Variants in CDK17 observed in about 807,000 individuals in gnomAD.
The protein encoded by CDK17 is cyclin-dependent kinase 17.
Under a neutral mutation model 77.6 loss-of-function variants are expected in CDK17, and 24 were observed. The ratio of observed to expected loss-of-function variants is 0.31; its 90% CI spans 0.22 to 0.44. The LOEUF (loss-of-function observed/expected upper bound fraction) is 0.44. Among genes scored for constraint, CDK17 ranks in the 20% least tolerant of loss-of-function variants. The pLI, the probability that CDK17 is intolerant of heterozygous loss-of-function variation, is 1.00. For synonymous variants in CDK17, 203 were observed against 210.4 expected (o/e 0.96, Z 0.30); for missense variants, 429 against 622.5 (o/e 0.69, Z 3.31).
chr12:96,322,875 T>C lies in CDK17; in HGVS notation c.283+1073A>G, dbSNP rs577076649. Among the ~76,000 whole-genome samples the C allele has an allele frequency of 8.5e-5, 13 of 152,294 alleles. No individual in the cohort carries two copies. In the South Asian group the frequency reaches 2.7e-3, roughly 32 times the overall value. On this transcript the variant is annotated intron_variant, in intron 3 of 16. Coordinates refer to ENST00000261211, the MANE Select transcript of CDK17 (RefSeq NM_002595.5). Reference sequence around the variant, plus strand: ...TCCTGAAACTTTAACAATCATCTCTTATGAACTAGTGTGAGCCAACTCCAG... The same window carrying C: ...TCCTGAAACTTTAACAATCATCTCTCATGAACTAGTGTGAGCCAACTCCAG...
rs750453479 is a variant in CDK17, at chr12:96,308,252, A to AAAAAAAAAG, written c.543+2799_543+2800insCTTTTTTTT. Among the ~76,000 whole-genome samples, 50 of 143,560 alleles carry AAAAAAAAAG rather than the reference A, an allele frequency of 3.5e-4. 2 individuals are homozygous for AAAAAAAAAG. Among genetic ancestry groups the AAAAAAAAAG allele is most frequent in the Admixed American group, 2.2e-3 (31 of 13,808 alleles). The allele number at this position is 143,560 out of a possible 152,430, so 94.2% of individuals were successfully genotyped here. A position where few individuals can be genotyped will look rare whatever the true frequency, so the allele number is the denominator to read the frequency against. On this transcript the variant is annotated intron_variant, in intron 5 of 16. Transcript: ENST00000261211. ...TCTAAAAAAAAAAAAAAAAAAAAAAAGTTTTTTAATTAGCTGGGTGTGATG... is the reference window on the plus strand; with the variant it reads ...TCTAAAAAAAAAAAAAAAAAAAAAAAAAAAAAAAGGTTTTTTAATTAGCTGGGTGTGATG...
At chr12:96,309,955 A>G (rs1952625312) in intron 5 of CDK17, among the ~76,000 whole-genome samples, 1 of 152,348 alleles carries the variant, frequency 6.6e-6, no homozygotes, top group Non-Finnish European at 1.5e-5. Context: ...GCAGAATATA[A>G]TGCAACAATT....
chr12:96,399,888 T>G, intron 1 of CDK17, 98 bp downstream of exon 1: 2 of 292,930 alleles, frequency 6.8e-6, no homozygotes, highest in Admixed American at 5.2e-5. Context: ...GCGCCCCCAG[T>G]AGCCCCCGCC....
chr12:96,324,587 T>C (rs1952869092), intron 2 of CDK17, among the ~76,000 whole-genome samples: 1 of 151,898 alleles, frequency 6.6e-6, no homozygotes, highest in African/African-American at 2.4e-5. Flanking sequence ...ATCAATATGG[T>C]GAAACTCCAT....
At chr12:96,308,731 A>AAATAATAATAATAATAAT (rs34304107) in intron 5 of CDK17, among the ~76,000 whole-genome samples, 8,148 of 132,400 alleles carry the variant, frequency 0.062, 327 homozygotes, top group Middle Eastern at 0.1. Flanking sequence ...CCGTCTCCAA[A>AAATAATAATAATAATAAT]AATAATAATA....
chr12:96,297,132 G>A (rs143410277), intron 9 of CDK17, 138 bp downstream of exon 9: 24 of 547,450 alleles, frequency 4.4e-5, no homozygotes, highest in Non-Finnish European at 6.8e-5. Context: ...AATATTGCAC[G>A]TTCAGAGGAC....
intron 1 of CDK17, among the ~76,000 whole-genome samples, chr12:96,364,096 T>C (rs1386131131): frequency 1.3e-5 from 2 of 151,332 alleles, no homozygotes; most frequent in Non-Finnish European, 3.0e-5. Context: ...GTATCAGTGG[T>C]TTCTTTATTT....
At chr12:96,356,944 T>C (rs1036169226) in intron 1 of CDK17, among the ~76,000 whole-genome samples, 1 of 152,218 alleles carries the variant, frequency 6.6e-6, no homozygotes, top group Non-Finnish European at 1.5e-5. Flanking sequence ...TCATGAATAA[T>C]AAATTGATTT....
intron 1 of CDK17, among the ~76,000 whole-genome samples, chr12:96,373,582 C>T (rs1953728874): frequency 6.6e-6 from 1 of 150,534 alleles, no homozygotes; most frequent in Non-Finnish European, 1.5e-5. Context: ...GTGACAAGAG[C>T]AAAACTCCAT....
intron 13 of CDK17, among the ~76,000 whole-genome samples, chr12:96,285,487 T>A (rs2137065594): frequency 6.6e-6 from 1 of 152,274 alleles, no homozygotes; most frequent in South Asian, 2.1e-4. Context: ...TCAAAGGGGT[T>A]ATTCTATGTT....
chr12:96,396,123 C>T (rs965364921), intron 1 of CDK17, among the ~76,000 whole-genome samples: 7 of 152,148 alleles, frequency 4.6e-5, no homozygotes, highest in African/African-American at 7.2e-5. Flanking sequence ...CTGCAGAACA[C>T]GGTAACATTA....
intron 8 of CDK17, 79 bp downstream of exon 8, chr12:96,297,548 A>T (rs1314541691): frequency 1.9e-6 from 2 of 1,040,546 alleles, no homozygotes; most frequent in Non-Finnish European, 2.9e-6. Flanking sequence ...TTAAAGAAAA[A>T]TAAAAAACAA....
intron 1 of CDK17, among the ~76,000 whole-genome samples, chr12:96,353,663 T>C (rs147922879): frequency 6.6e-6 from 1 of 152,014 alleles, no homozygotes; most frequent in Non-Finnish European, 1.5e-5. Flanking sequence ...TTTGACCTTG[T>C]GGGCTTTCTG....
At chr12:96,298,218 C>A (rs766877482) in intron 7 of CDK17, among the ~76,000 whole-genome samples, 1 of 151,338 alleles carries the variant, frequency 6.6e-6, no homozygotes, top group Non-Finnish European at 1.5e-5. Context: ...ACCCAGGAGG[C>A]GGAGCTTGCA....
At chr12:96,344,229 C>G (rs1953164792) in intron 1 of CDK17, among the ~76,000 whole-genome samples, 3 of 151,912 alleles carry the variant, frequency 2.0e-5, no homozygotes, top group Admixed American at 2.0e-4. Context: ...TCAAGTGTAC[C>G]CACCTACACA....
intron 1 of CDK17, among the ~76,000 whole-genome samples, chr12:96,342,151 AC>A (rs1195895477): frequency 6.6e-6 from 1 of 152,226 alleles, no homozygotes; most frequent in Non-Finnish European, 1.5e-5. Flanking sequence ...AGAGATAAAG[AC>A]AGATTTATTT....
At chr12:96,344,967 G>C (rs189066268) in intron 1 of CDK17, among the ~76,000 whole-genome samples, 1 of 152,198 alleles carries the variant, frequency 6.6e-6, no homozygotes, top group East Asian at 1.9e-4. Context: ...TTTCCCTAAT[G>C]CTCTCCCTAC....
chr12:96,290,669 T>C (rs1211144560), intron 10 of CDK17, among the ~76,000 whole-genome samples: 1 of 152,180 alleles, frequency 6.6e-6, no homozygotes, highest in Non-Finnish European at 1.5e-5. Context: ...AAGATGGAGG[T>C]AGCTTTCTGA....
intron 1 of CDK17, among the ~76,000 whole-genome samples, chr12:96,374,249 A>G (rs998308439): frequency 6.6e-6 from 1 of 152,116 alleles, no homozygotes; most frequent in African/African-American, 2.4e-5. Flanking sequence ...CTGCAAACAC[A>G]TTTTCCCACT....
Sources: gnomAD v4.1 joint callset for allele counts (sites outside exome capture counted in the v4.1 genomes callset) on GRCh38, gnomAD v4.1.1 for gene constraint, MANE v1.5 for transcripts, NCBI Gene and HGNC (gene_info 2026-07-23, HGNC 2026-07-21) for gene names.